MYL3: variants seen among roughly 807,000 people sequenced by gnomAD.
MYL3 encodes myosin light chain 3, also known as CMLC1.
Under a neutral mutation model 21.3 loss-of-function variants are expected in MYL3, and 11 were observed. That is an observed-to-expected ratio of 0.52 (90% CI 0.32 to 0.85). MYL3 has a LOEUF of 0.85. Ranked by LOEUF, MYL3 falls within the 40% of genes least tolerant of loss-of-function variation. The probability of loss-of-function intolerance (pLI) is 0.03; values close to 1 mark genes in which losing one functional copy is unlikely to be tolerated. For missense variants in MYL3, 206 were observed against 253.3 expected, an observed-to-expected ratio of 0.81 and a Z score of 1.27; for synonymous variants, 88 against 91.6, an observed-to-expected ratio of 0.96 and a Z score of 0.22.
chr3:46,861,118 C>A lies in MYL3; in HGVS notation c.130-131G>T. 9.5e-7 allele frequency: 1 copy of A among 1,052,154 alleles called. No homozygotes were observed. Among genetic ancestry groups the A allele is most frequent in the Non-Finnish European group, 1.5e-6 (1 of 685,264 alleles). 65.2% of individuals were successfully genotyped at this position (1,052,154 alleles called of 1,614,324 possible). Reference sequence around the variant, plus strand: ...CCCATTCCAGCATCCCAGCCTGCACCCCCAGGACCTCCTGCAGTCCATCTT... The same window carrying A: ...CCCATTCCAGCATCCCAGCCTGCACACCCAGGACCTCCTGCAGTCCATCTT... On this transcript the variant is annotated intron_variant, in intron 1 of 6. Coordinates refer to ENST00000292327, the MANE Select transcript of MYL3 (RefSeq NM_000258.3). This position sits in a 1 kb window ranked among gnomAD's most constrained non-coding sequence, Gnocchi z 4.2.
chr3:46,858,779 G>A (rs562734313), intron 4 of MYL3, among the ~76,000 whole-genome samples: 1 of 152,320 alleles, frequency 6.6e-6, no homozygotes, highest in East Asian at 1.9e-4. Flanking sequence ...GGCCCATGGG[G>A]TGGAGTTGGG....
rs115847696 is a variant in MYL3 at position 46,868,731 on chromosome 3, G to A, written c.-217-2131C>T. Among the ~76,000 whole-genome samples the A allele has an allele frequency of 1.1e-3, 171 of 152,360 alleles. 1 individual carries two copies. The highest frequency in any genetic ancestry group is 3.9e-3 in the African/African-American group (164 of 41,588). ...CATTGGCCAGGCTTGGTCCATTCTGGAAGAAGGGCATGGCCCTGACTTCTC... is the reference window on the plus strand; with the variant it reads ...CATTGGCCAGGCTTGGTCCATTCTGAAAGAAGGGCATGGCCCTGACTTCTC... On this transcript the variant is annotated intron_variant, in intron 1 of 3. Coordinates refer to the MYL3 transcript ENST00000431168.
chr3:46,860,941 G>T lies in MYL3; in HGVS notation c.157+19C>A, dbSNP rs903860936. 1 of 1,614,026 alleles carries T rather than the reference G, an allele frequency of 6.2e-7. No individual in the cohort carries two copies. Among genetic ancestry groups the T allele is most frequent in the Non-Finnish European group, 8.5e-7 (1 of 1,180,004 alleles). On this transcript the variant is annotated intron_variant, in intron 2 of 6. Transcript: ENST00000292327. The surrounding 1 kb of genome is among the most constrained non-coding windows in gnomAD (Gnocchi z 4.6). ...CCCAGCCCAATCCTGCAACCCCTGG[G>T]TTCAAGACCCCTGCTCACCTTCAAT...
chr3:46,869,242 GA>G (rs200101089), intron 1 of MYL3, among the ~76,000 whole-genome samples: 2 of 151,334 alleles, frequency 1.3e-5, no homozygotes, highest in Admixed American at 6.6e-5. Context: ...GTCCTTGGAA[GA>G]AAAAAAAAGA....
chr3:46,879,241 C>T lies in MYL3; in HGVS notation c.-218+2833G>A, dbSNP rs971801912. 6.6e-6 allele frequency among the ~76,000 whole-genome samples: 1 copy of T among 152,206 alleles called. No individual in the cohort carries two copies. On this transcript the variant is annotated intron_variant, in intron 1 of 3. Coordinates refer to the MYL3 transcript ENST00000431168. This position sits in a 1 kb window ranked among gnomAD's most constrained non-coding sequence, Gnocchi z 4.7. ...CCTCTCTGCAGCCCTCTCCACAGCC[C>T]ACCCTCATCCTCCCAAGTACAAGTA...
At position 46,857,956 on chromosome 3, in the gene MYL3, G is replaced by T; in HGVS notation, c.*159C>A. The T allele has an allele frequency of 1.9e-6, 1 of 532,924 alleles. No individual in the cohort carries two copies. The allele number at this position is 532,924 out of a possible 1,614,324, so 33.0% of individuals were successfully genotyped here. A position where few individuals can be genotyped will look rare whatever the true frequency, so the allele number is the denominator to read the frequency against. ...TCACAGGTAAGCACAGCCTGAGAGG[G>T]GCCAGAGACGGCAACCACGTGGAGA... On this transcript the variant is annotated 3_prime_UTR_variant, in exon 7 of 7. Transcript: ENST00000292327. This position sits in a 1 kb window ranked among gnomAD's most constrained non-coding sequence, Gnocchi z 5.0.
In MYL3 at chr3:46,861,519, G is replaced by T. The variant is rs112647416; in HGVS notation, c.130-532C>A. 6.6e-6 allele frequency among the ~76,000 whole-genome samples: 1 copy of T among 152,262 alleles called. No individual in the cohort carries two copies. Among genetic ancestry groups the T allele is most frequent in the South Asian group, 2.1e-4 (1 of 4,818 alleles). ...TGTGTGTGAGCATGTGTCTACATAC[G>T]TCTGCCCTCACAGAGCCCCCTAAGC... On this transcript the variant is annotated intron_variant, in intron 1 of 6. Coordinates refer to ENST00000292327, the MANE Select transcript of MYL3 (RefSeq NM_000258.3). This position sits in a 1 kb window ranked among gnomAD's most constrained non-coding sequence, Gnocchi z 4.2.
At chr3:46,858,567 C>T in intron 4 of MYL3, 106 bp from the exon 5 acceptor site, 1 of 1,044,310 alleles carries the variant, frequency 9.6e-7, no homozygotes, top group Non-Finnish European at 1.4e-6. Flanking sequence ...TCCAGTATTC[C>T]CACAACCAGC....
upstream of MYL3, among the ~76,000 whole-genome samples, chr3:46,867,616 T>C (rs571319617): frequency 1.1e-3 from 162 of 152,304 alleles, 6 homozygotes; most frequent in South Asian, 0.027. Flanking sequence ...CGTGCCCTTG[T>C]CCCCTGGGCC....
In MYL3 at chr3:46,861,120, C is replaced by T. The variant is rs1701988465; in HGVS notation, c.130-133G>A. The T allele has an allele frequency of 2.0e-6, 2 of 1,025,124 alleles. No individual in the cohort carries two copies. 63.5% of individuals were successfully genotyped at this position (1,025,124 alleles called of 1,614,324 possible). A position where few individuals can be genotyped will look rare whatever the true frequency, so the allele number is the denominator to read the frequency against. ...CATTCCAGCATCCCAGCCTGCACCC[C>T]CAGGACCTCCTGCAGTCCATCTTGA... On this transcript the variant is annotated intron_variant, in intron 1 of 6. Coordinates refer to ENST00000292327, the MANE Select transcript of MYL3 (RefSeq NM_000258.3). This position sits in a 1 kb window ranked among gnomAD's most constrained non-coding sequence, Gnocchi z 4.2.
chr3:46,861,068 C>G lies in MYL3; in HGVS notation c.130-81G>C. The G allele has an allele frequency of 1.3e-6, 2 of 1,498,340 alleles. No individual in the cohort carries two copies. The highest frequency in any genetic ancestry group is 1.9e-6 in the Non-Finnish European group (2 of 1,077,130). 92.8% of individuals were successfully genotyped at this position (1,498,340 alleles called of 1,614,324 possible). ...CCTCCTGGGCACTCGGTGGCCAGCC[C>G]AGAATGTCAACTGTCTCAGCCTGTC... On this transcript the variant is annotated intron_variant, in intron 1 of 6. Coordinates refer to ENST00000292327, the MANE Select transcript of MYL3 (RefSeq NM_000258.3). This position sits in a 1 kb window ranked among gnomAD's most constrained non-coding sequence, Gnocchi z 4.2.
chr3:46,861,057 G>A lies in MYL3; in HGVS notation c.130-70C>T, dbSNP rs926402270. 177 of 1,546,388 alleles carry A rather than the reference G, an allele frequency of 1.1e-4. 1 individual carries two copies. The highest frequency in any genetic ancestry group is 2.5e-4 in the South Asian group (22 of 89,368). On this transcript the variant is annotated intron_variant, in intron 1 of 6. Transcript: ENST00000292327. The surrounding 1 kb of genome is among the most constrained non-coding windows in gnomAD (Gnocchi z 4.2). ...GGGCCACACCTCCTCCTGGGCACTC[G>A]GTGGCCAGCCCAGAATGTCAACTGT...
upstream of MYL3, among the ~76,000 whole-genome samples, chr3:46,867,912 A>G (rs2106919897): frequency 6.6e-6 from 1 of 152,354 alleles, no homozygotes; most frequent in East Asian, 1.9e-4. Flanking sequence ...CCATGAACAC[A>G]GACCCCACGC....
chr3:46,881,207 G>A (rs981871225), intron 1 of MYL3: 2 of 152,410 alleles, frequency 1.3e-5, no homozygotes, highest in African/African-American at 4.8e-5. Flanking sequence ...TTAAAGCCCT[G>A]CGCTCCAGGC....
rs1701964640 is a variant in MYL3 at position 46,859,288 on chromosome 3, G to T, written c.481+187C>A. ...CCAGAGCTGATGTCATCCCCCTTCT[G>T]TGAGCTGCACCAGCATGCTTGCTTT... On this transcript the variant is annotated intron_variant, in intron 4 of 6. Transcript: ENST00000292327. The surrounding 1 kb of genome is among the most constrained non-coding windows in gnomAD (Gnocchi z 4.1). Among the ~76,000 whole-genome samples the T allele has an allele frequency of 6.6e-6, 1 of 152,190 alleles. No individual in the cohort carries two copies. Among genetic ancestry groups the T allele is most frequent in the African/African-American group, 2.4e-5 (1 of 41,444 alleles).
At position 46,861,881 on chromosome 3, in the gene MYL3, A is replaced by C. The variant is rs1195757051; in HGVS notation, c.130-894T>G. ...GCCACGGAGCCCCACCAATCTCCAC[A>C]GTGCATGCCGGCACAGAGGGACACC... On this transcript the variant is annotated intron_variant, in intron 1 of 6. Coordinates refer to ENST00000292327, the MANE Select transcript of MYL3 (RefSeq NM_000258.3). This position sits in a 1 kb window ranked among gnomAD's most constrained non-coding sequence, Gnocchi z 4.2. Among the ~76,000 whole-genome samples the C allele has an allele frequency of 6.6e-6, 1 of 152,212 alleles. No homozygotes were observed.
chr3:46,865,479 AG>A (rs1483758258), upstream of MYL3, among the ~76,000 whole-genome samples: 1 of 152,156 alleles, frequency 6.6e-6, no homozygotes, highest in Non-Finnish European at 1.5e-5. The surrounding 1 kb of genome is among the most constrained non-coding windows in gnomAD (Gnocchi z 4.3). Context: ...GTCACACGGG[AG>A]CCCCAGCCAC....
chr3:46,858,165 G>T, intron 6 of MYL3, 64 bp from the exon 7 acceptor site: 1 of 1,540,716 alleles, frequency 6.5e-7, no homozygotes, highest in South Asian at 1.1e-5. Context: ...GATGTCAAGT[G>T]AGCACTGCAG....
chr3:46,877,136 A>AGTCAGATAT (rs1430626478), intron 1 of MYL3, among the ~76,000 whole-genome samples: 2 of 152,066 alleles, frequency 1.3e-5, no homozygotes, highest in Non-Finnish European at 2.9e-5. Flanking sequence ...GTGGGCAAGG[A>AGTCAGATAT]GTCAGATATG....
Sources: gnomAD v4.1 joint callset for allele counts (sites outside exome capture counted in the v4.1 genomes callset) on GRCh38, gnomAD v4.1.1 for gene constraint, Gnocchi (gnomAD v3.1) non-coding constraint, MANE v1.5 for transcripts, NCBI Gene and HGNC (gene_info 2026-07-23, HGNC 2026-07-21) for gene names.